The following TOX variants were observed in gnomAD, a reference collection of about 807,000 sequenced individuals.
TOX encodes thymocyte selection associated high mobility group box.
Under a neutral mutation model 53.7 loss-of-function variants are expected in TOX, and 11 were observed. That is an observed-to-expected ratio of 0.20 (90% CI 0.13 to 0.34). The LOEUF (loss-of-function observed/expected upper bound fraction) is 0.34, where lower values mean the gene tolerates loss of function less well. Among genes scored for constraint, TOX ranks in the 10% least tolerant of loss-of-function variants. The pLI, the probability that TOX is intolerant of heterozygous loss-of-function variation, is 1.00. For synonymous variants in TOX, 225 were observed against 245.3 expected, an observed-to-expected ratio of 0.92 and a Z score of 0.77; for missense variants, 570 against 664.6, an observed-to-expected ratio of 0.86 and a Z score of 1.56.
chr8:58,913,780 G>GC (rs144476515), intron 3 of TOX, among the ~76,000 whole-genome samples: 45,154 of 151,428 alleles, frequency 0.3, 7,024 homozygotes, highest in East Asian at 0.41. Flanking sequence ...CTATGTAAAA[G>GC]TCTAAAAAAT....
At chr8:58,879,484 T>A (rs980510887) in intron 3 of TOX, among the ~76,000 whole-genome samples, 6 of 152,032 alleles carry the variant, frequency 3.9e-5, no homozygotes, top group Non-Finnish European at 8.8e-5. Context: ...CCAAAAGAAA[T>A]CACCTAATTT....
chr8:59,076,781 AG>A (rs1804300216), intron 1 of TOX, among the ~76,000 whole-genome samples: 1 of 152,208 alleles, frequency 6.6e-6, no homozygotes, highest in African/African-American at 2.4e-5. Context: ...AAACCTTTTT[AG>A]TACCCAACCT....
intron 3 of TOX, among the ~76,000 whole-genome samples, chr8:58,880,333 G>A (rs1331723888): frequency 6.6e-6 from 1 of 152,130 alleles, no homozygotes; most frequent in South Asian, 2.1e-4. Context: ...AATGTAAGAT[G>A]GGACATCATA....
At chr8:58,958,838 T>A (rs1157853352) in intron 2 of TOX, among the ~76,000 whole-genome samples, 4 of 152,194 alleles carry the variant, frequency 2.6e-5, no homozygotes, top group Non-Finnish European at 4.4e-5. Flanking sequence ...AATGCAAAGT[T>A]CAGGGAGATG....
intron 3 of TOX, among the ~76,000 whole-genome samples, chr8:58,857,548 A>G (rs1810936019): frequency 1.3e-5 from 2 of 152,170 alleles, no homozygotes; most frequent in Admixed American, 6.5e-5. Context: ...CAATTAATGC[A>G]AAACAAAAGT....
chr8:58,972,318 CAGG>C (rs1206370645), intron 1 of TOX, among the ~76,000 whole-genome samples: 2 of 152,114 alleles, frequency 1.3e-5, no homozygotes, highest in African/African-American at 4.8e-5. Flanking sequence ...CACAAAACTG[CAGG>C]AGGAGTTTTC....
At chr8:58,869,882 G>GAA (rs138317126) in intron 3 of TOX, among the ~76,000 whole-genome samples, 1 of 146,898 alleles carries the variant, frequency 6.8e-6, no homozygotes, top group South Asian at 2.1e-4. Context: ...CACCATGCAT[G>GAA]AAAAAAAAAA....
chr8:59,081,856 T>A (rs565221734), intron 1 of TOX, among the ~76,000 whole-genome samples: 8 of 152,308 alleles, frequency 5.3e-5, no homozygotes, highest in African/African-American at 1.7e-4. Flanking sequence ...AAAAATCGAA[T>A]ACTGCACGGC....
intron 5 of TOX, among the ~76,000 whole-genome samples, chr8:58,836,365 G>A (rs561221553): frequency 1.3e-5 from 2 of 152,292 alleles, no homozygotes; most frequent in South Asian, 2.1e-4. Flanking sequence ...AGTTAGAATA[G>A]AAACTAGCTT....
intron 1 of TOX, among the ~76,000 whole-genome samples, chr8:59,063,742 A>G (rs1804036914): frequency 6.6e-6 from 1 of 152,116 alleles, no homozygotes; most frequent in Non-Finnish European, 1.5e-5. Flanking sequence ...TTTACTGAGA[A>G]CATAGCTTTA....
chr8:58,814,752 G>A (rs897605238), intron 7 of TOX, among the ~76,000 whole-genome samples: 1 of 152,136 alleles, frequency 6.6e-6, no homozygotes, highest in Non-Finnish European at 1.5e-5. Flanking sequence ...TGGGTAGGGA[G>A]GCTTCCAAAC....
chr8:58,849,380 A>G (rs1422953454), intron 4 of TOX, among the ~76,000 whole-genome samples: 1 of 152,204 alleles, frequency 6.6e-6, no homozygotes, highest in African/African-American at 2.4e-5. Context: ...TATGAGTTTT[A>G]CTATGCAATG....
chr8:59,096,596 G>A (rs1356527917), intron 1 of TOX, among the ~76,000 whole-genome samples: 1 of 152,082 alleles, frequency 6.6e-6, no homozygotes, highest in Non-Finnish European at 1.5e-5. Flanking sequence ...CCACAACAAA[G>A]GTAATTTGAC....
intron 3 of TOX, among the ~76,000 whole-genome samples, chr8:58,927,047 C>CTTTTT (rs10715496): frequency 6.9e-5 from 10 of 145,100 alleles, no homozygotes; most frequent in Non-Finnish European, 7.6e-5. Context: ...ATTGTCACAC[C>CTTTTT]TTTTTTTTTT....
chr8:59,041,124 CATT>C (rs1184520933), intron 1 of TOX, among the ~76,000 whole-genome samples: 1 of 148,222 alleles, frequency 6.7e-6, no homozygotes, highest in African/African-American at 2.5e-5. Context: ...ATGTGTAAAA[CATT>C]AAAGGAGCTG....
In TOX at chr8:59,079,886, C is replaced by G. The variant is rs76348524; in HGVS notation, c.102+39000G>C. 0.013 allele frequency among the ~76,000 whole-genome samples: 1,974 copies of G among 152,288 alleles called. 66 individuals are homozygous for G. In the East Asian group the frequency reaches 0.13, roughly 10 times the overall value. On this transcript the variant is annotated intron_variant, in intron 1 of 8. Transcript: ENST00000361421. The stretch of plus-strand genomic sequence containing the variant: ...GAGCAGCCTCAGGGGCTTAGCCCTG[C>G]AAAGCCACAGGAGTGGAGCTGCCCA...
intron 1 of TOX, among the ~76,000 whole-genome samples, chr8:58,995,021 T>G (rs1316822588): frequency 7.9e-5 from 12 of 152,248 alleles, no homozygotes. Context: ...CAGTCTGCCC[T>G]ATTAGACTAT....
At chr8:58,903,955 C>T (rs1201336807) in intron 3 of TOX, among the ~76,000 whole-genome samples, 3 of 152,142 alleles carry the variant, frequency 2.0e-5, no homozygotes, top group Non-Finnish European at 4.4e-5. Context: ...AATGGATTAT[C>T]TTATTCCTGG....
chr8:58,963,414 C>A (rs1346966462), intron 1 of TOX, among the ~76,000 whole-genome samples: 3 of 152,122 alleles, frequency 2.0e-5, no homozygotes, highest in Admixed American at 2.0e-4. Flanking sequence ...CTCTGGAGCA[C>A]CCTAATACAG....
Sources: allele counts gnomAD v4.1 joint callset (sites outside exome capture counted in the v4.1 genomes callset), GRCh38; gene constraint gnomAD v4.1.1; transcripts MANE v1.5; gene names NCBI Gene and HGNC (gene_info 2026-07-23, HGNC 2026-07-21).